Variants in BRSK2 observed in about 807,000 individuals in gnomAD.
The protein encoded by BRSK2 is serine/threonine-protein kinase BRSK2.
BRSK2 carries 19 observed loss-of-function variants against 83.3 expected under a neutral mutation model. The ratio of observed to expected loss-of-function variants is 0.23; its 90% CI spans 0.16 to 0.33. The LOEUF is 0.33. BRSK2 is among the 10% of genes least tolerant of loss of function. The pLI is 1.00. For missense variants in BRSK2, 798 were observed against 1,042.3 expected (o/e 0.77, Z 3.23); for synonymous variants, 519 against 435.4 (o/e 1.19, Z -2.39).
At chr11:1,402,836 G>A (rs1367050802) in intron 1 of BRSK2, among the ~76,000 whole-genome samples, 1 of 152,166 alleles carries the variant, frequency 6.6e-6, no homozygotes, top group African/African-American at 2.4e-5. Flanking sequence ...CGGGAGCGGC[G>A]CTGAGCTCGG....
In BRSK2 at chr11:1,423,763, G is replaced by A. The variant is rs1175460035; in HGVS notation, c.92-12277G>A. 1.5e-3 allele frequency among the ~76,000 whole-genome samples: 205 copies of A among 141,142 alleles called. No homozygotes were observed. The highest frequency in any genetic ancestry group is 5.1e-3 in the African/African-American group (189 of 37,174). The allele number at this position is 141,142 out of a possible 152,430, so 92.6% of individuals were successfully genotyped here. A position where few individuals can be genotyped will look rare whatever the true frequency, so the allele number is the denominator to read the frequency against. On this transcript the variant is annotated intron_variant, in intron 1 of 19. Transcript: ENST00000528841. The surrounding 1 kb of genome is among the most constrained non-coding windows in gnomAD (Gnocchi z 6.5). ...CCCGCTGGGCGTTCCGGGTGCCCCAGGCCTCCCCCGCTGGGCGTTCCGGGT... is the reference window on the plus strand; with the variant it reads ...CCCGCTGGGCGTTCCGGGTGCCCCAAGCCTCCCCCGCTGGGCGTTCCGGGT...
rs1262744146 is a variant in BRSK2 at position 1,438,182 on chromosome 11, G to A, written c.187-124G>A. Reference sequence around the variant, plus strand: ...CACAGCTGGCACCAAAGGCCCCTGCGACCCCCACAGCTGGCACCAAAGGCC... The same window carrying A: ...CACAGCTGGCACCAAAGGCCCCTGCAACCCCCACAGCTGGCACCAAAGGCC... On this transcript the variant is annotated intron_variant, in intron 2 of 19. Coordinates refer to ENST00000528841, the MANE Select transcript of BRSK2 (RefSeq NM_001256627.2). The surrounding 1 kb of genome is among the most constrained non-coding windows in gnomAD (Gnocchi z 6.4). The A allele has an allele frequency of 5.4e-6, 4 of 734,058 alleles. No homozygotes were observed. The highest frequency in any genetic ancestry group is 8.6e-6 in the Non-Finnish European group (4 of 464,120). The allele number at this position is 734,058 out of a possible 1,614,324, so 45.5% of individuals were successfully genotyped here. A position where few individuals can be genotyped will look rare whatever the true frequency, so the allele number is the denominator to read the frequency against.
At chr11:1,397,192 C>T (rs1487825206) in intron 1 of BRSK2, among the ~76,000 whole-genome samples, 1 of 152,206 alleles carries the variant, frequency 6.6e-6, no homozygotes, top group Non-Finnish European at 1.5e-5. Context: ...GACCAAGCGG[C>T]CTGCAGATCT....
intron 19 of BRSK2, among the ~76,000 whole-genome samples, chr11:1,460,161 C>T (rs1175822454): frequency 6.6e-5 from 10 of 152,124 alleles, no homozygotes; most frequent in Admixed American, 6.5e-5. Flanking sequence ...CCACCTGCCC[C>T]GAGCCTCGCT....
rs767772129 is a variant in BRSK2 at position 1,456,368 on chromosome 11, C to T, written c.1689C>T (p.Ser563=). ...CACAGATTCCCAGTCTCAGCCACAG[C>T]GTCATCTCCCAAACGAGCTTCCGGG... is the stretch of plus-strand genomic sequence containing the variant. The part of the protein sequence containing the change: ...AFLSIPSLSH[S]VISQTSFRAE... The change falls in exon 17 of 20, where the codon AGC becomes AGT. Residue 563 remains serine, a synonymous_variant. Coordinates refer to ENST00000528841, the MANE Select transcript of BRSK2 (RefSeq NM_001256627.2). 3.8e-6 allele frequency: 6 copies of T among 1,576,622 alleles called. No individual in the cohort carries two copies. The African/African-American group carries it at 5.4e-5, about 14-fold the overall frequency.
intron 18 of BRSK2, 101 bp from the exon 19 acceptor site, chr11:1,459,091 T>C: frequency 2.0e-5 from 16 of 818,770 alleles, no homozygotes; most frequent in Non-Finnish European, 2.7e-5. Context: ...TACCCACTCC[T>C]GGCTCCACCC....
At position 1,398,939 on chromosome 11, in the gene BRSK2, C is replaced by T. The variant is rs908818885; in HGVS notation, c.91+8564C>T. On this transcript the variant is annotated intron_variant, in intron 1 of 19. Transcript: ENST00000528841. ...CTGGGGCGGAGACTGGCCCTTGGCA[C>T]CCGCGGCCGTCCCTGGCTTTCGTCC... Among the ~76,000 whole-genome samples the T allele has an allele frequency of 5.3e-5, 8 of 152,214 alleles. No homozygotes were observed. In the East Asian group the frequency reaches 1.5e-3, roughly 29 times the overall value.
At chr11:1,416,953 G>T (rs537521921) in intron 1 of BRSK2, among the ~76,000 whole-genome samples, 2 of 152,178 alleles carry the variant, frequency 1.3e-5, no homozygotes, top group Non-Finnish European at 2.9e-5. Flanking sequence ...GAGGTCAGGC[G>T]TTCGAGACCA....
At chr11:1,453,552 G>A (rs1846066865) in intron 15 of BRSK2, among the ~76,000 whole-genome samples, 1 of 152,242 alleles carries the variant, frequency 6.6e-6, no homozygotes, top group Non-Finnish European at 1.5e-5. Context: ...GAGACCGGCA[G>A]GACACTGAGG....
chr11:1,462,561 C>T lies in BRSK2; in HGVS notation c.*1838C>T, dbSNP rs968661544. On this transcript the variant is annotated 3_prime_UTR_variant, in exon 20 of 20. Transcript: ENST00000528841. The stretch of plus-strand genomic sequence containing the variant: ...AGCAAACTGCCTCTTGCTTGCCTTC[C>T]CCTTTTGTGCTTCGGACACACGCGG... 4.0e-4 allele frequency: 61 copies of T among 152,288 alleles called. No individual in the cohort carries two copies. The highest frequency in any genetic ancestry group is 1.4e-3 in the African/African-American group (59 of 41,472). 9.4% of individuals were successfully genotyped at this position (152,288 alleles called of 1,614,324 possible). A position where few individuals can be genotyped will look rare whatever the true frequency, so the allele number is the denominator to read the frequency against.
In BRSK2 at chr11:1,438,951, C is replaced by A. The variant is rs1345722832; in HGVS notation, c.272+560C>A. Among the ~76,000 whole-genome samples the A allele has an allele frequency of 1.3e-5, 2 of 152,198 alleles. No homozygotes were observed. ...GTGAACCCCATCCCCCCAGACCCAG[C>A]CTCAGGGAGCTCCTGGGAATGGGCA... On this transcript the variant is annotated intron_variant, in intron 3 of 19. Coordinates refer to ENST00000528841, the MANE Select transcript of BRSK2 (RefSeq NM_001256627.2). This position sits in a 1 kb window ranked among gnomAD's most constrained non-coding sequence, Gnocchi z 6.4.
chr11:1,440,735 GA>G, intron 3 of BRSK2, 52 bp from the exon 4 acceptor site: 11 of 1,530,690 alleles, frequency 7.2e-6, no homozygotes, highest in Non-Finnish European at 9.7e-6. Context: ...CTGGGATGAG[GA>G]GGGGCGGCGG....
intron 1 of BRSK2, among the ~76,000 whole-genome samples, chr11:1,417,269 A>G (rs1848189816): frequency 6.6e-6 from 1 of 152,244 alleles, no homozygotes; most frequent in South Asian, 2.1e-4. Context: ...GGCACCTGAC[A>G]TGCTGTGAGG....
At chr11:1,394,763 C>T (rs1232184702) in intron 1 of BRSK2, among the ~76,000 whole-genome samples, 1 of 89,158 alleles carries the variant, frequency 1.1e-5, no homozygotes, top group Non-Finnish European at 2.3e-5. Flanking sequence ...GGAGATGGGC[C>T]CCTGGAGATG....
chr11:1,433,081 C>G (rs12793789), intron 1 of BRSK2, among the ~76,000 whole-genome samples: 2,003 of 2,644 alleles, frequency 0.76, 929 homozygotes, highest in Non-Finnish European at 0.93. Context: ...AGCAGTGAGC[C>G]TCTTCTGCGG....
At chr11:1,458,112 G>C (rs1243386766) in intron 18 of BRSK2, among the ~76,000 whole-genome samples, 1 of 152,142 alleles carries the variant, frequency 6.6e-6, no homozygotes, top group Non-Finnish European at 1.5e-5. Flanking sequence ...GGCCAGGGAT[G>C]GACAGGGCTT....
chr11:1,428,118 G>C (rs1849466075), intron 1 of BRSK2, among the ~76,000 whole-genome samples: 1 of 152,144 alleles, frequency 6.6e-6, no homozygotes, highest in African/African-American at 2.4e-5. Context: ...CAGGAGGAGT[G>C]ACCAGAGCTC....
At chr11:1,429,188 C>G (rs528839046) in intron 1 of BRSK2, among the ~76,000 whole-genome samples, 1 of 137,076 alleles carries the variant, frequency 7.3e-6, no homozygotes, top group Non-Finnish European at 1.6e-5. Flanking sequence ...GGTGCATGCG[C>G]GTGTGCATGG....
intron 12 of BRSK2, among the ~76,000 whole-genome samples, chr11:1,448,512 T>G (rs1021873436): frequency 1.8e-4 from 28 of 152,170 alleles, no homozygotes; most frequent in African/African-American, 6.5e-4. Context: ...AGCAGCTGCC[T>G]GGCCGGATAG....
Sources: allele counts gnomAD v4.1 joint callset (sites outside exome capture counted in the v4.1 genomes callset), GRCh38; gene constraint gnomAD v4.1.1; non-coding constraint Gnocchi (gnomAD v3.1); transcripts MANE v1.5; gene names NCBI Gene and HGNC (gene_info 2026-07-23, HGNC 2026-07-21).